The following TK1 variants were observed in gnomAD, a reference collection of about 807,000 sequenced individuals.
TK1 encodes the protein thymidine kinase 1.
TK1 carries 13 observed loss-of-function variants against 22.4 expected under a neutral mutation model. The ratio of observed to expected loss-of-function variants is 0.58; its 90% CI spans 0.38 to 0.92. TK1 has a LOEUF of 0.92. Ranked by LOEUF, TK1 falls within the 40% of genes least tolerant of loss-of-function variation. TK1 has a pLI of 0.00. For missense variants in TK1, 251 were observed against 315.7 expected, an observed-to-expected ratio of 0.80 and a Z score of 1.55; for synonymous variants, 134 against 125.4, an observed-to-expected ratio of 1.07 and a Z score of -0.46.
chr17:78,175,577 G>A lies in TK1; in HGVS notation c.345C>T (p.Ala115=), dbSNP rs904525999. 19 of 1,613,568 alleles carry A rather than the reference G, an allele frequency of 1.2e-5. No individual in the cohort carries two copies. The highest frequency in any genetic ancestry group is 2.2e-5 in the East Asian group (1 of 44,876). The change falls in exon 5 of 7, where the codon GCC becomes GCT. Residue 115 remains alanine (A), a synonymous_variant. Transcript: ENST00000301634. ...IVEFCEAMAN[A]GKTVIVAALD... is the part of the protein sequence containing the mutation. Reference sequence around the variant, plus strand: ...GTGCAGCCACAATTACGGTCTTCCCGGCGTTGGCCATGGCCTCGCAGAACT... The same window carrying A: ...GTGCAGCCACAATTACGGTCTTCCCAGCGTTGGCCATGGCCTCGCAGAACT...
chr17:78,186,754 A>C lies in TK1; in HGVS notation c.98+33T>G, dbSNP rs749570808. On this transcript the variant is annotated intron_variant, in intron 2 of 6. Coordinates refer to ENST00000301634, the MANE Select transcript of TK1 (RefSeq NM_003258.5). ...GACAAGGGGTCCCCGGAGAAGAGGA[A>C]GGAGCTCCACCCCAGCCCCGCGAAG... 1.9e-6 allele frequency: 3 copies of C among 1,563,812 alleles called. No homozygotes were observed. In the South Asian group the frequency reaches 3.5e-5, roughly 18 times the overall value.
At chr17:78,178,183 T>G (rs2075714394) in intron 4 of TK1, among the ~76,000 whole-genome samples, 1 of 151,890 alleles carries the variant, frequency 6.6e-6, no homozygotes, top group Non-Finnish European at 1.5e-5. Flanking sequence ...AAAAAAAGTT[T>G]AAAAAAATAA....
intron 4 of TK1, among the ~76,000 whole-genome samples, chr17:78,176,491 A>G (rs1054997054): frequency 2.6e-5 from 4 of 152,076 alleles, no homozygotes; most frequent in Non-Finnish European, 5.9e-5. Context: ...GTGAGGACTA[A>G]GGGGTGGCTC....
At chr17:78,181,672 A>C (rs1461722392) in intron 4 of TK1, among the ~76,000 whole-genome samples, 2 of 152,102 alleles carry the variant, frequency 1.3e-5, no homozygotes, top group African/African-American at 4.8e-5. Context: ...TGCAAAAACT[A>C]CTAAAAAAGG....
chr17:78,178,793 C>T (rs1337144017), intron 4 of TK1, among the ~76,000 whole-genome samples: 1 of 152,038 alleles, frequency 6.6e-6, no homozygotes, highest in Non-Finnish European at 1.5e-5. Context: ...TACAGGCATG[C>T]GCCACCACGC....
At position 78,186,979 on chromosome 17, in the gene TK1, G is replaced by A. The variant is rs1164007672; in HGVS notation, c.16C>T (p.Leu6=). 6.3e-7 allele frequency: 1 copy of A among 1,580,890 alleles called. No homozygotes were observed. The highest frequency in any genetic ancestry group is 1.2e-5 in the South Asian group (1 of 86,614). Residue 6 remains leucine, a synonymous_variant, in exon 1 of 7, where the codon CTG becomes TTG. Coordinates refer to ENST00000301634, the MANE Select transcript of TK1 (RefSeq NM_003258.5). The part of the protein sequence containing the change: MSCIN[L]PTVLPGSPSK... ...GGGGAGCCAGGCAGCACAGTGGGCA[G>A]GTTAATGCAGCTCATTGCGCCTCCG...
chr17:78,182,452 G>A (rs1344994901), intron 4 of TK1, 137 bp downstream of exon 4: 5 of 560,950 alleles, frequency 8.9e-6, no homozygotes, highest in Non-Finnish European at 1.5e-5. Context: ...GCCTTCAGAG[G>A]GTATTCCAAC....
chr17:78,177,217 T>C (rs963688326), intron 4 of TK1, among the ~76,000 whole-genome samples: 6 of 152,208 alleles, frequency 3.9e-5, no homozygotes, highest in African/African-American at 1.2e-4. Context: ...ATTAAACTTA[T>C]TATAGATTGC....
chr17:78,185,020 T>C, intron 3 of TK1, 35 bp downstream of exon 3: 3 of 1,539,806 alleles, frequency 1.9e-6, no homozygotes, highest in Non-Finnish European at 2.7e-6. Flanking sequence ...CTTGTGATTT[T>C]CCACTGGACA....
At chr17:78,186,734 G>A in intron 2 of TK1, 53 bp downstream of exon 2, 1 of 1,535,358 alleles carries the variant, frequency 6.5e-7, no homozygotes, top group Non-Finnish European at 8.8e-7. Context: ...GACGGGACAA[G>A]GGGTCCCCGG....
At chr17:78,176,387 T>C (rs182879528) in intron 4 of TK1, among the ~76,000 whole-genome samples, 142 of 152,258 alleles carry the variant, frequency 9.3e-4, no homozygotes, top group African/African-American at 3.3e-3. Context: ...GATGTCCTTG[T>C]CCTTGGGTGC....
chr17:78,178,466 T>C (rs1388802956), intron 4 of TK1, among the ~76,000 whole-genome samples: 6 of 152,136 alleles, frequency 3.9e-5, no homozygotes, highest in Non-Finnish European at 8.8e-5. Context: ...GGCTACTCTG[T>C]GAAAGGCTTT....
intron 4 of TK1, chr17:78,179,213 C>G: frequency 1.0e-6 from 1 of 985,432 alleles, no homozygotes; most frequent in Non-Finnish European, 1.2e-6. Flanking sequence ...GCTGAAGCTT[C>G]CTTGTTCTGA....
At chr17:78,175,714 G>A (rs1293679150) in intron 4 of TK1, 96 bp from the exon 5 acceptor site, 11 of 1,099,184 alleles carry the variant, frequency 1.0e-5, no homozygotes, top group South Asian at 5.6e-5. Flanking sequence ...TGACAACTCC[G>A]GCCATTTGGC....
chr17:78,178,512 CG>C (rs2075716690), intron 4 of TK1, among the ~76,000 whole-genome samples: 2 of 152,214 alleles, frequency 1.3e-5, no homozygotes, highest in Admixed American at 6.5e-5. Flanking sequence ...AAGGCAGGTT[CG>C]GCTGGGCTTC....
rs201488809 is a variant in TK1 at position 78,185,091 on chromosome 17, T to C, written c.173A>G (p.Asp58Gly). The C allele has an allele frequency of 2.5e-6, 4 of 1,611,530 alleles. No individual in the cohort carries two copies. In the South Asian group the frequency reaches 3.3e-5, roughly 13 times the overall value. Reference protein sequence around the residue: ...YKCLVIKYAKDTRYSSSFCTH... With the variant: ...YKCLVIKYAKGTRYSSSFCTH... ...GCAGAAGCTGCTGCTGTAGCGAGTG[T>C]CTTTGGCATACTTGATCACCAGGCA... Residue 58 changes from aspartate (D) to glycine (G), a missense_variant, in exon 3 of 7, where the codon GAC becomes GGC. Coordinates refer to ENST00000301634, the MANE Select transcript of TK1 (RefSeq NM_003258.5).
chr17:78,180,089 AC>A, intron 4 of TK1, among the ~76,000 whole-genome samples: 1 of 152,150 alleles, frequency 6.6e-6, no homozygotes, highest in Non-Finnish European at 1.5e-5. Context: ...CAAAAAACGA[AC>A]TGGACTAAGT....
intron 5 of TK1, 131 bp downstream of exon 5, chr17:78,175,398 A>G (rs556713045): frequency 9.1e-7 from 1 of 1,096,624 alleles, no homozygotes; most frequent in South Asian, 1.6e-5. Flanking sequence ...TGGCTCAGCC[A>G]AGGCCTGAGC....
At chr17:78,176,022 C>T (rs1472781111) in intron 4 of TK1, among the ~76,000 whole-genome samples, 2 of 152,202 alleles carry the variant, frequency 1.3e-5, no homozygotes, top group African/African-American at 4.8e-5. Context: ...TTTCCTTTTC[C>T]TTAAGAGCAA....
Sources: allele counts gnomAD v4.1 joint callset (sites outside exome capture counted in the v4.1 genomes callset), GRCh38; gene constraint gnomAD v4.1.1; transcripts MANE v1.5; gene names NCBI Gene and HGNC (gene_info 2026-07-23, HGNC 2026-07-21).